CDKAL1: variants seen among roughly 807,000 people sequenced by gnomAD.
CDKAL1 encodes the protein CDKAL1 threonylcarbamoyladenosine tRNA methylthiotransferase.
A neutral mutation model predicts 68.2 loss-of-function variants in CDKAL1; 32 were observed. That is an observed-to-expected ratio of 0.47 (90% CI 0.35 to 0.63). CDKAL1 has a LOEUF of 0.63. Ranked by LOEUF, CDKAL1 falls within the 30% of genes least tolerant of loss-of-function variation. The pLI is 0.00. For synonymous variants in CDKAL1, 234 were observed against 244.3 expected (o/e 0.96, Z 0.39); for missense variants, 606 against 696.7 (o/e 0.87, Z 1.47).
At chr6:20,563,480 A>G (rs762393268) in intron 4 of CDKAL1, among the ~76,000 whole-genome samples, 3 of 152,146 alleles carry the variant, frequency 2.0e-5, no homozygotes, top group Non-Finnish European at 2.9e-5. Context: ...TGTGCAAGCC[A>G]TAAACAAGGG....
intron 10 of CDKAL1, among the ~76,000 whole-genome samples, chr6:20,978,468 C>T (rs770069245): frequency 2.0e-4 from 31 of 152,158 alleles, no homozygotes; most frequent in Non-Finnish European, 3.8e-4. Flanking sequence ...CTATTTGATA[C>T]TTCTGCTTAC....
intron 15 of CDKAL1, among the ~76,000 whole-genome samples, chr6:21,230,050 T>C (rs1389621120): frequency 1.3e-5 from 2 of 152,124 alleles, no homozygotes; most frequent in Non-Finnish European, 2.9e-5. Context: ...GGACTGAGTG[T>C]GGGGTTATGT....
rs1779867423 is a variant in CDKAL1 at position 21,229,308 on chromosome 6, C to G, written c.1549-1540C>G. Reference sequence around the variant, plus strand: ...CCTTTGAATTCAAATCCTATTGATTCTACATCAAAAGTCTGTTGTTCCCTC... The same window carrying G: ...CCTTTGAATTCAAATCCTATTGATTGTACATCAAAAGTCTGTTGTTCCCTC... On this transcript the variant is annotated intron_variant, in intron 15 of 15. Transcript: ENST00000274695. 2.6e-5 allele frequency among the ~76,000 whole-genome samples: 4 copies of G among 152,142 alleles called. No individual in the cohort carries two copies. In the South Asian group the frequency reaches 8.3e-4, roughly 31 times the overall value.
chr6:20,793,377 A>ATG (rs1775979776), intron 8 of CDKAL1, among the ~76,000 whole-genome samples: 3 of 152,162 alleles, frequency 2.0e-5, no homozygotes, highest in African/African-American at 2.4e-5. Context: ...GACACATTGC[A>ATG]CGCATCTTGG....
intron 10 of CDKAL1, among the ~76,000 whole-genome samples, chr6:20,980,969 G>A (rs1276156805): frequency 6.6e-6 from 1 of 152,174 alleles, no homozygotes; most frequent in East Asian, 1.9e-4. Context: ...CCTGGATAGT[G>A]CAAAGTTACA....
At chr6:21,178,094 T>A (rs902980748) in intron 13 of CDKAL1, among the ~76,000 whole-genome samples, 1 of 152,064 alleles carries the variant, frequency 6.6e-6, no homozygotes, top group Non-Finnish European at 1.5e-5. Context: ...GAAATATTAT[T>A]ATTAAAGGCT....
intron 10 of CDKAL1, among the ~76,000 whole-genome samples, chr6:20,980,874 CG>C (rs1766108939): frequency 6.6e-6 from 1 of 152,130 alleles, no homozygotes; most frequent in African/African-American, 2.4e-5. Flanking sequence ...CTCTCACCGC[CG>C]CTTTGTTCCC....
intron 13 of CDKAL1, among the ~76,000 whole-genome samples, chr6:21,152,101 C>T (rs1776438872): frequency 6.6e-6 from 1 of 152,246 alleles, no homozygotes; most frequent in Non-Finnish European, 1.5e-5. Context: ...TTGCTCTTCT[C>T]TCCTTTGCCC....
At chr6:21,051,370 T>C (rs1031556824) in intron 11 of CDKAL1, among the ~76,000 whole-genome samples, 4 of 152,090 alleles carry the variant, frequency 2.6e-5, no homozygotes, top group African/African-American at 4.8e-5. Context: ...TGAGACCATG[T>C]CTCAAAAAAA....
chr6:20,938,370 G>A (rs1207293178), intron 9 of CDKAL1, among the ~76,000 whole-genome samples: 2 of 152,186 alleles, frequency 1.3e-5, no homozygotes, highest in Non-Finnish European at 2.9e-5. Flanking sequence ...TTTATGTTGG[G>A]AGAACAGAGT....
intron 4 of CDKAL1, among the ~76,000 whole-genome samples, chr6:20,638,107 A>C (rs1314988723): frequency 2.6e-5 from 4 of 152,158 alleles, no homozygotes; most frequent in Non-Finnish European, 4.4e-5. Context: ...ATTTCAGTAG[A>C]TACTGTCATA....
intron 4 of CDKAL1, among the ~76,000 whole-genome samples, chr6:20,574,011 A>G (rs888564686): frequency 2.6e-5 from 4 of 152,192 alleles, no homozygotes; most frequent in African/African-American, 7.2e-5. Flanking sequence ...CAACACTGAT[A>G]TGGTTAGTAT....
At chr6:20,848,705 CTAAATG>C (rs1758833956) in intron 9 of CDKAL1, among the ~76,000 whole-genome samples, 2 of 151,994 alleles carry the variant, frequency 1.3e-5, no homozygotes, top group South Asian at 4.1e-4. Context: ...AGAATTGAAA[CTAAATG>C]CTAGTTTTTG....
chr6:21,203,480 C>CTGGAATT (rs1233823235), intron 15 of CDKAL1, among the ~76,000 whole-genome samples: 1 of 151,414 alleles, frequency 6.6e-6, no homozygotes, highest in African/African-American at 2.4e-5. Flanking sequence ...AGGTGATCCG[C>CTGGAATT]CCACTTCAGC....
intron 8 of CDKAL1, among the ~76,000 whole-genome samples, chr6:20,842,431 AT>A (rs1340446314): frequency 4.6e-5 from 7 of 152,338 alleles, no homozygotes; most frequent in South Asian, 2.1e-4. Flanking sequence ...AGTCAAAAAA[AT>A]GTGCTCTTAA....
At chr6:20,688,154 G>A (rs920366896) in intron 5 of CDKAL1, among the ~76,000 whole-genome samples, 4 of 150,896 alleles carry the variant, frequency 2.7e-5, no homozygotes, top group African/African-American at 9.8e-5. Context: ...GCTTCTTTCA[G>A]GTTTTTTTCT....
chr6:20,755,031 T>A (rs2150344160), intron 6 of CDKAL1, among the ~76,000 whole-genome samples: 1 of 152,362 alleles, frequency 6.6e-6, no homozygotes, highest in South Asian at 2.1e-4. Context: ...CAAGAGTGGA[T>A]GCAGTGCTTT....
At chr6:20,772,202 C>A (rs1364585344) in intron 7 of CDKAL1, among the ~76,000 whole-genome samples, 1 of 152,192 alleles carries the variant, frequency 6.6e-6, no homozygotes, top group Non-Finnish European at 1.5e-5. Flanking sequence ...GGTTGCTTTA[C>A]ATACAGAAAC....
At chr6:21,011,112 C>T (rs1445931933) in intron 11 of CDKAL1, among the ~76,000 whole-genome samples, 1 of 132,998 alleles carries the variant, frequency 7.5e-6, no homozygotes, top group Non-Finnish European at 1.6e-5. Context: ...GGCACGGTGG[C>T]TTACACCTGT....
Sources: gnomAD v4.1 joint callset for allele counts (sites outside exome capture counted in the v4.1 genomes callset) on GRCh38, gnomAD v4.1.1 for gene constraint, MANE v1.5 for transcripts, NCBI Gene and HGNC (gene_info 2026-07-23, HGNC 2026-07-21) for gene names.